The following HEPH variants were observed in gnomAD, a reference collection of about 807,000 sequenced individuals.
HEPH encodes hephaestin.
Under a neutral mutation model 80.8 loss-of-function variants are expected in HEPH, and 69 were observed. The observed-to-expected ratio is 0.85, with a 90% CI of 0.70 to 1.04. HEPH has a LOEUF of 1.04. Among genes scored for constraint, HEPH ranks in the 50% least tolerant of loss-of-function variants. The pLI is 0.00. For missense variants in HEPH, 1,115 were observed against 891.3 expected, an observed-to-expected ratio of 1.25 and a Z score of -3.20; for synonymous variants, 431 against 322.8, an observed-to-expected ratio of 1.34 and a Z score of -3.60.
At chrX:66,166,518 A>C (rs900296108) in intron 1 of HEPH, among the ~76,000 whole-genome samples, 13 of 111,969 alleles carry the variant, frequency 1.2e-4, no homozygotes, top group African/African-American at 4.2e-4. Context: ...GTTATAAAGG[A>C]TTTTATGGGT....
Position 66,188,378 on chromosome X carries a change from C to A in HEPH, c.645C>A (p.Ser215=). 1.7e-6 allele frequency: 2 copies of A among 1,192,115 alleles called. No homozygotes were observed. The highest frequency in any genetic ancestry group is 2.3e-6 in the Non-Finnish European group (2 of 885,345). ...TCKRGALDGN[S]PPQRQDVDHD... is the part of the protein sequence containing the mutation. ...CCCTAGGAGCCCTGGATGGGAACTC[C>A]CCTCCTCAACGCCAGGATGTAGACC... The change falls in exon 5 of 21, where the codon TCC becomes TCA. Residue 215 remains serine, a synonymous_variant. Coordinates refer to ENST00000343002, the MANE Select transcript of HEPH (RefSeq NM_001367233.3).
intron 15 of HEPH, among the ~76,000 whole-genome samples, chrX:66,216,464 G>A (rs771907233): frequency 8.9e-6 from 1 of 111,819 alleles, no homozygotes; most frequent in Admixed American, 9.5e-5. Context: ...GCTCTGCTGG[G>A]TGGCTGGATC....
intron 15 of HEPH, among the ~76,000 whole-genome samples, chrX:66,249,077 A>G (rs1377534658): frequency 9.0e-6 from 1 of 111,658 alleles, no homozygotes; most frequent in African/African-American, 3.3e-5. Flanking sequence ...TTTCTGAGAA[A>G]TGGAATAAGA....
At chrX:66,266,418 A>ATTTTTTTTTTTTTTTTTTT in intron 20 of HEPH, 22 bp from the exon 21 acceptor site, 1 of 1,032,828 alleles carries the variant, frequency 9.7e-7, no homozygotes, top group Non-Finnish European at 1.3e-6. Flanking sequence ...CAGGATGCCC[A>ATTTTTTTTTTTTTTTTTTT]TTTTTTTTTT....
intron 4 of HEPH, among the ~76,000 whole-genome samples, chrX:66,175,425 T>A (rs1284926834): frequency 8.9e-6 from 1 of 112,167 alleles, no homozygotes; most frequent in Non-Finnish European, 1.9e-5. Context: ...TAGTATAGTT[T>A]GAAATCAGGT....
At chrX:66,164,497 A>G (rs2086278054) in intron 1 of HEPH, 27 bp downstream of exon 1, 2 of 748,094 alleles carry the variant, frequency 2.7e-6, no homozygotes, top group South Asian at 1.4e-4. Context: ...CTCTTTTCAA[A>G]CTCTACCTCA....
intron 4 of HEPH, among the ~76,000 whole-genome samples, chrX:66,175,073 T>C (rs575155596): frequency 1.8e-5 from 2 of 112,108 alleles, no homozygotes; most frequent in South Asian, 7.4e-4. Flanking sequence ...TTCTTGGTCA[T>C]GAAATCCTTG....
Position 66,198,954 on chromosome X carries a change from A to G in HEPH, c.1790A>G (p.Gln597Arg). The G allele has an allele frequency of 8.3e-7, 1 of 1,207,385 alleles. No individual in the cohort carries two copies. The highest frequency in any genetic ancestry group is 1.1e-6 in the Non-Finnish European group (1 of 891,432). ...AAGAGCTGGTACAGCAATGCCAATCAAGCAGCTGCTATGTTGGATTTCCGA... is the reference window on the plus strand; with the variant it reads ...AAGAGCTGGTACAGCAATGCCAATCGAGCAGCTGCTATGTTGGATTTCCGA... ...ENKSWYSNAN[Q>R]AAAMLDFRLL... Residue 597 changes from glutamine (Q) to arginine (R), a missense_variant, in exon 11 of 21, where the codon CAA becomes CGA. Coordinates refer to ENST00000343002, the MANE Select transcript of HEPH (RefSeq NM_001367233.3).
intron 15 of HEPH, among the ~76,000 whole-genome samples, chrX:66,239,681 C>T (rs1393948221): frequency 9.0e-6 from 1 of 111,552 alleles, no homozygotes; most frequent in Non-Finnish European, 1.9e-5. Flanking sequence ...ATGGCCTGGC[C>T]AAATCCTATG....
At chrX:66,260,643 G>A in intron 19 of HEPH, among the ~76,000 whole-genome samples, 1 of 112,311 alleles carries the variant, frequency 8.9e-6, no homozygotes, top group Non-Finnish European at 1.9e-5. Context: ...CTTCATTAGA[G>A]TAACTGATTA....
At chrX:66,169,827 T>C (rs2086511440) in intron 1 of HEPH, 1 of 111,855 alleles carries the variant, frequency 8.9e-6, no homozygotes, top group Non-Finnish European at 1.9e-5. Context: ...AAGGCAAACA[T>C]TATCCTTACT....
chrX:66,260,390 C>A, intron 19 of HEPH, 128 bp downstream of exon 19: 1 of 487,852 alleles, frequency 2.0e-6, no homozygotes, highest in Non-Finnish European at 3.4e-6. Context: ...TAAGGCAGAG[C>A]ATAGCCTCCC....
intron 13 of HEPH, among the ~76,000 whole-genome samples, chrX:66,206,691 A>G (rs1038666819): frequency 5.5e-5 from 6 of 109,799 alleles, no homozygotes; most frequent in Admixed American, 2.9e-4. Context: ...AATTGTGGTT[A>G]TGCAGCCAAT....
At chrX:66,261,905 A>G (rs1364522773) in intron 19 of HEPH, among the ~76,000 whole-genome samples, 1 of 112,541 alleles carries the variant, frequency 8.9e-6, no homozygotes, top group Admixed American at 9.4e-5. Flanking sequence ...CAAGTGATCA[A>G]TTGATACATC....
intron 15 of HEPH, among the ~76,000 whole-genome samples, chrX:66,212,224 TG>T (rs2089170662): frequency 9.1e-6 from 1 of 109,621 alleles, no homozygotes; most frequent in African/African-American, 3.3e-5. Context: ...TTGAGTTTCT[TG>T]GTATTCTAGT....
chrX:66,196,444 G>T (rs911650288), intron 9 of HEPH, among the ~76,000 whole-genome samples: 1 of 111,897 alleles, frequency 8.9e-6, no homozygotes, highest in East Asian at 2.8e-4. Context: ...AGGAAAGGTA[G>T]GTTAAAACCA....
At chrX:66,229,162 T>G (rs767245452) in intron 15 of HEPH, among the ~76,000 whole-genome samples, 1 of 111,836 alleles carries the variant, frequency 8.9e-6, no homozygotes, top group South Asian at 3.7e-4. Context: ...AAAAATAAAA[T>G]GTGAGATAGA....
rs1394947639 is a variant in HEPH, at chrX:66,244,347, C to A, written c.2564-10688C>A. 2.7e-5 allele frequency among the ~76,000 whole-genome samples: 3 copies of A among 111,567 alleles called. No individual in the cohort carries two copies. In the East Asian group the frequency reaches 8.4e-4, roughly 31 times the overall value. ...TATCTTTACATAATCTGATATTTCTCAGAGATTTTGTTCATTTATTTTTAT... is the reference window on the plus strand; with the variant it reads ...TATCTTTACATAATCTGATATTTCTAAGAGATTTTGTTCATTTATTTTTAT... On this transcript the variant is annotated intron_variant, in intron 15 of 20. Coordinates refer to ENST00000343002, the MANE Select transcript of HEPH (RefSeq NM_001367233.3).
rs1376403368 is a variant in HEPH, at chrX:66,264,002, A to G, written c.3244+314A>G. ...GAAGTAAATTCTAGATACTAGTCGAAAACCAAATACTGCATGTTCTCACTT... is the reference window on the plus strand; with the variant it reads ...GAAGTAAATTCTAGATACTAGTCGAGAACCAAATACTGCATGTTCTCACTT... On this transcript the variant is annotated intron_variant, in intron 20 of 20. Coordinates refer to ENST00000343002, the MANE Select transcript of HEPH (RefSeq NM_001367233.3). 2.7e-5 allele frequency among the ~76,000 whole-genome samples: 3 copies of G among 110,750 alleles called. No individual in the cohort carries two copies. The Admixed American group carries it at 2.9e-4, about 11-fold the overall frequency.
Sources: gnomAD v4.1 joint callset for allele counts (sites outside exome capture counted in the v4.1 genomes callset) on GRCh38, gnomAD v4.1.1 for gene constraint, MANE v1.5 for transcripts, NCBI Gene and HGNC (gene_info 2026-07-23, HGNC 2026-07-21) for gene names.